The following PTPN6 variants were observed in gnomAD, a reference collection of about 807,000 sequenced individuals.
PTPN6 encodes protein tyrosine phosphatase non-receptor type 6, also known as tyrosine-protein phosphatase non-receptor type 6.
Under a neutral mutation model 81.5 loss-of-function variants are expected in PTPN6, and 18 were observed. The ratio of observed to expected loss-of-function variants is 0.22; its 90% confidence interval spans 0.15 to 0.33. PTPN6 has a LOEUF of 0.33. Among genes scored for constraint, PTPN6 ranks in the 10% least tolerant of loss-of-function variants. The pLI, the probability that PTPN6 is intolerant of heterozygous loss-of-function variation, is 1.00. For missense variants in PTPN6, 500 were observed against 794.2 expected (o/e 0.63, Z 4.45); for synonymous variants, 301 against 310.9 (o/e 0.97, Z 0.33).
chr12:6,960,524 G>A lies in PTPN6; in HGVS notation c.1673+89G>A. ...CTTTCTGGAGAGGACAAGTGTTGCA[G>A]CTGGGGGGACCTGGCTTCAAGTTCA... On this transcript the variant is annotated intron_variant, in intron 14 of 15. Coordinates refer to ENST00000318974, the MANE Select transcript of PTPN6 (RefSeq NM_002831.6). The surrounding 1 kb of genome is among the most constrained non-coding windows in gnomAD (Gnocchi z 6.1). The A allele has an allele frequency of 1.4e-6, 2 of 1,478,154 alleles. No individual in the cohort carries two copies. The highest frequency in any genetic ancestry group is 2.4e-5 in the South Asian group (2 of 84,412). The allele number at this position is 1,478,154 out of a possible 1,614,324, so 91.6% of individuals were successfully genotyped here.
rs1946023936 is a variant in PTPN6 at position 6,956,034 on chromosome 12, C to T, written c.845-108C>T. 8.6e-7 allele frequency: 1 copy of T among 1,158,612 alleles called. No individual in the cohort carries two copies. 71.8% of individuals were successfully genotyped at this position (1,158,612 alleles called of 1,614,324 possible). Reference sequence around the variant, plus strand: ...GCTGCCCACAGTCCCCCGCAAGCCTCATGGCTTCTGAGACCAGAATGGCCT... The same window carrying T: ...GCTGCCCACAGTCCCCCGCAAGCCTTATGGCTTCTGAGACCAGAATGGCCT... On this transcript the variant is annotated intron_variant, in intron 7 of 15. Transcript: ENST00000318974. The surrounding 1 kb of genome is among the most constrained non-coding windows in gnomAD (Gnocchi z 4.1).
chr12:6,960,128 G>T lies in PTPN6; in HGVS notation c.1470G>T (p.Met490Ile). 6.2e-7 allele frequency: 1 copy of T among 1,613,816 alleles called. No homozygotes were observed. The change falls in exon 13 of 16, where the codon ATG becomes ATT. Residue 490 changes from methionine to isoleucine, a missense_variant. Physicochemically the swap from Met to Ile is conservative, Grantham distance 10. Transcript: ENST00000318974. This position sits in a 1 kb window ranked among gnomAD's most constrained non-coding sequence, Gnocchi z 6.1. ...CDIDIQKTIQMVRAQRSGMVQ... is the reference protein window; with the variant it reads ...CDIDIQKTIQIVRAQRSGMVQ... ...TTGACATCCAGAAGACCATCCAGAT[G>T]GTGCGGGCGCAGCGCTCGGGCATGG... is the stretch of plus-strand genomic sequence containing the variant.
chr12:6,946,721 G>GA (rs1555146836), upstream of PTPN6: 1 of 1,612,308 alleles, frequency 6.2e-7, no homozygotes, highest in Non-Finnish European at 8.5e-7. Flanking sequence ...CCTCCCTACA[G>GA]AGAGATGCTG....
Position 6,955,998 on chromosome 12 carries a change from C to A in PTPN6, c.845-144C>A, listed in dbSNP as rs1336840040. 11 of 880,940 alleles carry A rather than the reference C, an allele frequency of 1.2e-5. No individual in the cohort carries two copies. The highest frequency in any genetic ancestry group is 2.0e-5 in the Non-Finnish European group (11 of 541,560). 54.6% of individuals were successfully genotyped at this position (880,940 alleles called of 1,614,324 possible). Reference sequence around the variant, plus strand: ...CCCTCACTCCCTCCATACAGATGATCCCCCACCCCTGCTGCCCACAGTCCC... The same window carrying A: ...CCCTCACTCCCTCCATACAGATGATACCCCACCCCTGCTGCCCACAGTCCC... On this transcript the variant is annotated intron_variant, in intron 7 of 15. Coordinates refer to ENST00000318974, the MANE Select transcript of PTPN6 (RefSeq NM_002831.6). The surrounding 1 kb of genome is among the most constrained non-coding windows in gnomAD (Gnocchi z 7.2).
rs1555147765 is a variant in PTPN6 at position 6,951,655 on chromosome 12, A to G, written c.55A>G (p.Lys19Glu). Reference protein sequence around the residue: ...LSGLDAETLLKGRGVHGSFLA... With the variant: ...LSGLDAETLLEGRGVHGSFLA... ...TGGGCTGGATGCAGAGACCCTGCTC[A>G]AGGGCCGAGGTGTCCACGGTAGCTT... Residue 19 changes from lysine to glutamate, a missense_variant, in exon 2 of 16, where the codon AAG becomes GAG. Around this residue, in one of 6 missense-constraint regions of PTPN6, gnomAD observed 98 missense variants for 199.2 expected, o/e 0.49. Coordinates refer to ENST00000318974, the MANE Select transcript of PTPN6 (RefSeq NM_002831.6). This position sits in a 1 kb window ranked among gnomAD's most constrained non-coding sequence, Gnocchi z 7.2. 2 of 1,613,424 alleles carry G rather than the reference A, an allele frequency of 1.2e-6. No homozygotes were observed. The highest frequency in any genetic ancestry group is 1.7e-6 in the Non-Finnish European group (2 of 1,179,944).
chr12:6,951,134 C>A, upstream of PTPN6: 1 of 930,650 alleles, frequency 1.1e-6, no homozygotes, highest in Non-Finnish European at 1.5e-6. The surrounding 1 kb of genome is among the most constrained non-coding windows in gnomAD (Gnocchi z 7.2). Context: ...GTGTGCAAGG[C>A]ACACATGTGT....
In PTPN6 at chr12:6,954,959, C is replaced by T. The variant is rs1555148329; in HGVS notation, c.481C>T (p.Pro161Ser). ...SDQPKAGPGS[P>S]LRVTHIKVMC... is the part of the protein sequence containing the mutation. ...CCAGCCCAAGGCTGGCCCAGGCTCC[C>T]CGCTCAGGGTCACCCACATCAAGGT... Residue 161 changes from proline to serine, a missense_variant, in exon 4 of 16, where the codon CCG becomes TCG. Pro to Ser is a moderately conservative substitution (Grantham distance 74, BLOSUM62 -1). Coordinates refer to ENST00000318974, the MANE Select transcript of PTPN6 (RefSeq NM_002831.6). The surrounding 1 kb of genome is among the most constrained non-coding windows in gnomAD (Gnocchi z 5.4). 6.2e-7 allele frequency: 1 copy of T among 1,614,140 alleles called. No individual in the cohort carries two copies. Among genetic ancestry groups the T allele is most frequent in the South Asian group, 1.1e-5 (1 of 91,082 alleles).
In PTPN6 at chr12:6,951,573, G is replaced by A. The variant is rs781819646; in HGVS notation, c.9-36G>A. ...GGAGGCAAGGGTGCCTGGTGCCCAC[G>A]GGACCCCTCCTCACTGCCCTGCCTG... On this transcript the variant is annotated intron_variant, in intron 1 of 15. Coordinates refer to ENST00000318974, the MANE Select transcript of PTPN6 (RefSeq NM_002831.6). The surrounding 1 kb of genome is among the most constrained non-coding windows in gnomAD (Gnocchi z 7.2). 1.1e-5 allele frequency: 18 copies of A among 1,613,544 alleles called. No homozygotes were observed. Among genetic ancestry groups the A allele is most frequent in the South Asian group, 3.3e-5 (3 of 91,054 alleles).
At position 6,957,562 on chromosome 12, in the gene PTPN6, C is replaced by A. The variant is rs781783816; in HGVS notation, c.1075-92C>A. ...CCGTCCATCCAACAAATGTTTGGGC[C>A]GGTGCCAGGCACTCAGAACATAGAG... is the stretch of plus-strand genomic sequence containing the variant. On this transcript the variant is annotated intron_variant, in intron 9 of 15. Transcript: ENST00000318974. The surrounding 1 kb of genome is among the most constrained non-coding windows in gnomAD (Gnocchi z 6.5). 9.3e-5 allele frequency: 138 copies of A among 1,490,136 alleles called. 1 individual carries two copies. Among genetic ancestry groups the A allele is most frequent in the Non-Finnish European group, 7.3e-6 (8 of 1,091,998 alleles). The allele number at this position is 1,490,136 out of a possible 1,614,324, so 92.3% of individuals were successfully genotyped here.
In PTPN6 at chr12:6,951,954, G is replaced by A. The variant is rs201346004; in HGVS notation, c.132-29G>A. The A allele has an allele frequency of 6.2e-6, 10 of 1,607,750 alleles. No individual in the cohort carries two copies. The highest frequency in any genetic ancestry group is 2.7e-5 in the African/African-American group (2 of 74,638). ...GCCCTCCTGCCTCTACTCCTGCACCGACTGGCCTCACCGCCTGGTGCCCTG... is the reference window on the plus strand; with the variant it reads ...GCCCTCCTGCCTCTACTCCTGCACCAACTGGCCTCACCGCCTGGTGCCCTG... On this transcript the variant is annotated intron_variant, in intron 2 of 15. Coordinates refer to ENST00000318974, the MANE Select transcript of PTPN6 (RefSeq NM_002831.6). This position sits in a 1 kb window ranked among gnomAD's most constrained non-coding sequence, Gnocchi z 7.2.
rs781852520 is a variant in PTPN6 at position 6,954,601 on chromosome 12, C to T, written c.327-204C>T. On this transcript the variant is annotated intron_variant, in intron 3 of 15. Transcript: ENST00000318974. This position sits in a 1 kb window ranked among gnomAD's most constrained non-coding sequence, Gnocchi z 5.4. ...TGAGTAACAGCTCAGCGTCAGTTTCCTCATCTATAAAATGGGGGTAATATC... is the reference window on the plus strand; with the variant it reads ...TGAGTAACAGCTCAGCGTCAGTTTCTTCATCTATAAAATGGGGGTAATATC... Among the ~76,000 whole-genome samples the T allele has an allele frequency of 2.6e-5, 4 of 152,310 alleles. No homozygotes were observed. In the East Asian group the frequency reaches 7.7e-4, roughly 29 times the overall value.
In PTPN6 at chr12:6,951,741, C is replaced by G. The variant is rs782652727; in HGVS notation, c.131+10C>G. The stretch of plus-strand genomic sequence containing the variant: ...TCTCGCTCTCCGTCAGGTAGGTGGG[C>G]CCCCCGCAACCCCGGGCATTTTGGC... On this transcript the variant is annotated intron_variant, in intron 2 of 15. Coordinates refer to ENST00000318974, the MANE Select transcript of PTPN6 (RefSeq NM_002831.6). The surrounding 1 kb of genome is among the most constrained non-coding windows in gnomAD (Gnocchi z 7.2). 6.2e-7 allele frequency: 1 copy of G among 1,609,878 alleles called. No individual in the cohort carries two copies. The highest frequency in any genetic ancestry group is 2.2e-5 in the East Asian group (1 of 44,878).
chr12:6,961,254 C>T lies in PTPN6; in HGVS notation c.*154C>T. The T allele has an allele frequency of 5.3e-6, 2 of 378,264 alleles. No individual in the cohort carries two copies. The highest frequency in any genetic ancestry group is 1.0e-5 in the Non-Finnish European group (2 of 196,378). The allele number at this position is 378,264 out of a possible 1,614,324, so 23.4% of individuals were successfully genotyped here. A position where few individuals can be genotyped will look rare whatever the true frequency, so the allele number is the denominator to read the frequency against. ...CCTCTCCCTGACCCTGTATATAGCC[C>T]AGCCAGGCCCCAGGCAGGGCCAACC... On this transcript the variant is annotated 3_prime_UTR_variant, in exon 16 of 16. Transcript: ENST00000318974.
At position 6,956,482 on chromosome 12, in the gene PTPN6, G is replaced by A; in HGVS notation, c.988G>A (p.Ala330Thr). ...TYIASQGCLE[A>T]TVNDFWQMAW... is the part of the protein sequence containing the mutation. ...CATCGCCAGCCAGGGTTGTCTGGAG[G>A]CCACGGTCAATGACTTCTGGCAGAT... Residue 330 changes from alanine to threonine, a missense_variant, in exon 9 of 16, where the codon GCC becomes ACC. By Grantham distance (58) the Ala-to-Thr change is moderately conservative. Around this residue, in one of 6 missense-constraint regions of PTPN6, gnomAD observed 226 missense variants for 364.4 expected, o/e 0.62. Transcript: ENST00000318974. The surrounding 1 kb of genome is among the most constrained non-coding windows in gnomAD (Gnocchi z 4.1). 6.2e-7 allele frequency: 1 copy of A among 1,614,114 alleles called. No individual in the cohort carries two copies.
chr12:6,960,633 C>G lies in PTPN6; in HGVS notation c.1674-173C>G, dbSNP rs1202364800. On this transcript the variant is annotated intron_variant, in intron 14 of 15. Transcript: ENST00000318974. This position sits in a 1 kb window ranked among gnomAD's most constrained non-coding sequence, Gnocchi z 6.1. ...CTCTGCTAGGTACCAGCAGCGCACT[C>G]GTGTATGAGATGTAGCCTCTGTCCT... 1 of 1,531,068 alleles carries G rather than the reference C, an allele frequency of 6.5e-7. No individual in the cohort carries two copies. The highest frequency in any genetic ancestry group is 1.2e-5 in the South Asian group (1 of 83,600). The allele number at this position is 1,531,068 out of a possible 1,614,324, so 94.8% of individuals were successfully genotyped here.
Position 6,955,069 on chromosome 12 carries a change from T to C in PTPN6, c.516+75T>C. On this transcript the variant is annotated intron_variant, in intron 4 of 15. Transcript: ENST00000318974. The surrounding 1 kb of genome is among the most constrained non-coding windows in gnomAD (Gnocchi z 7.2). ...ACCACAGTGTGGGTGGCAGGGAGGG[T>C]CTGCCTGGGCTTGAATTCAAGGCTG... 3 of 1,606,334 alleles carry C rather than the reference T, an allele frequency of 1.9e-6. No individual in the cohort carries two copies. Among genetic ancestry groups the C allele is most frequent in the Non-Finnish European group, 2.6e-6 (3 of 1,173,322 alleles).
Position 6,955,363 on chromosome 12 carries a change from C to G in PTPN6, c.634-9C>G. On this transcript the variant is annotated splice_polypyrimidine_tract_variant and intron_variant, in intron 5 of 15. Transcript: ENST00000318974. The surrounding 1 kb of genome is among the most constrained non-coding windows in gnomAD (Gnocchi z 7.2). ...TGAGTTGCTGACTTCTCGCTCTTCC[C>G]CACCCCAGCCGTACTATGCCACGAG... 6.2e-7 allele frequency: 1 copy of G among 1,613,768 alleles called. No homozygotes were observed. Among genetic ancestry groups the G allele is most frequent in the Non-Finnish European group, 8.5e-7 (1 of 1,179,658 alleles).
At chr12:6,961,029 G>T in intron 15 of PTPN6, 84 bp downstream of exon 15, 1 of 1,535,076 alleles carries the variant, frequency 6.5e-7, no homozygotes, top group Non-Finnish European at 8.8e-7. Context: ...TGGGGTGGCC[G>T]CAGCCTCATT....
At position 6,956,446 on chromosome 12, in the gene PTPN6, G is replaced by A. The variant is rs782211008; in HGVS notation, c.952G>A (p.Ala318Thr). The A allele has an allele frequency of 9.9e-6, 16 of 1,614,134 alleles. No individual in the cohort carries two copies. In the Admixed American group the frequency reaches 1.2e-4, roughly 12 times the overall value. Residue 318 changes from alanine (A) to threonine (T), a missense_variant, in exon 9 of 16, where the codon GCT becomes ACT. Transcript: ENST00000318974. The surrounding 1 kb of genome is among the most constrained non-coding windows in gnomAD (Gnocchi z 4.1). ...KNQLLGPDEN[A>T]KTYIASQGCL... Reference sequence around the variant, plus strand: ...CCAGCTGCTAGGCCCTGATGAGAACGCTAAGACCTACATCGCCAGCCAGGG... The same window carrying A: ...CCAGCTGCTAGGCCCTGATGAGAACACTAAGACCTACATCGCCAGCCAGGG...
Sources: gnomAD v4.1 joint callset for allele counts (sites outside exome capture counted in the v4.1 genomes callset) on GRCh38, gnomAD v4.1.1 for gene constraint, gnomAD v4.1.1 regional missense constraint, Gnocchi (gnomAD v3.1) non-coding constraint, MANE v1.5 for transcripts, NCBI Gene and HGNC (gene_info 2026-07-23, HGNC 2026-07-21) for gene names.